ZNF555: variants seen among roughly 807,000 people sequenced by gnomAD.
ZNF555 encodes the protein zinc finger protein 555.
A neutral mutation model predicts 14.0 loss-of-function variants in ZNF555; 10 were observed. That is an observed-to-expected ratio of 0.72 (90% CI 0.44 to 1.21). The LOEUF (loss-of-function observed/expected upper bound fraction) is 1.21. ZNF555 is among the 50% of genes most tolerant of loss of function. ZNF555 has a pLI of 0.00. For missense variants in ZNF555, 747 were observed against 762.0 expected, an observed-to-expected ratio of 0.98 and a Z score of 0.23; for synonymous variants, 277 against 262.4, an observed-to-expected ratio of 1.06 and a Z score of -0.54.
In ZNF555 at chr19:2,859,775, C is replaced by T. The variant is rs1215967280; in HGVS notation, c.*5823C>T. ...CCTTCCTTTAGGGTTCGGGGGATCT[C>T]CTCCTTCCACAAGGGATGGATGTGA... On this transcript the variant is annotated 3_prime_UTR_variant, in exon 4 of 4. Transcript: ENST00000334241. The T allele has an allele frequency of 6.6e-6, 1 of 152,422 alleles. No homozygotes were observed. Among genetic ancestry groups the T allele is most frequent in the African/African-American group, 2.4e-5 (1 of 41,428 alleles). The allele number at this position is 152,422 out of a possible 1,614,324, so 9.4% of individuals were successfully genotyped here.
intron 2 of ZNF555, among the ~76,000 whole-genome samples, chr19:2,851,229 G>A (rs898249713): frequency 4.6e-5 from 7 of 151,426 alleles, no homozygotes; most frequent in Admixed American, 1.3e-4. Context: ...AACTCCTGAC[G>A]TTGTGATCCA....
In ZNF555 at chr19:2,841,513, C is replaced by G; in HGVS notation, c.-60C>G. On this transcript the variant is annotated 5_prime_UTR_variant, in exon 1 of 4. Coordinates refer to ENST00000334241, the MANE Select transcript of ZNF555 (RefSeq NM_152791.5). ...GTGCCCCGCCTGCCCCTAGCGGTCC[C>G]TGGCGTCCCGGTTCCTGTCGCGCTC... 2 of 1,545,610 alleles carry G rather than the reference C, an allele frequency of 1.3e-6. No individual in the cohort carries two copies. The highest frequency in any genetic ancestry group is 8.7e-7 in the Non-Finnish European group (1 of 1,144,592).
At chr19:2,846,041 G>A (rs1438480823) in intron 1 of ZNF555, among the ~76,000 whole-genome samples, 4 of 152,176 alleles carry the variant, frequency 2.6e-5, no homozygotes, top group Non-Finnish European at 5.9e-5. Context: ...CGGGTTAGCA[G>A]GGCTCCCAGT....
At chr19:2,847,647 A>G (rs1159661465) in intron 1 of ZNF555, among the ~76,000 whole-genome samples, 1 of 152,200 alleles carries the variant, frequency 6.6e-6, no homozygotes, top group Non-Finnish European at 1.5e-5. Context: ...TAATCTGAAA[A>G]AAATTTAAAA....
In ZNF555 at chr19:2,853,033, A is replaced by G; in HGVS notation, c.968A>G (p.Tyr323Cys). The change falls in exon 4 of 4, where the codon TAT becomes TGT. Residue 323 changes from tyrosine (Y) to cysteine (C), a missense_variant. Transcript: ENST00000334241. Reference sequence around the variant, plus strand: ...AAAGAATGTGGGGAGGCCTTCAGTTATTCTTCGGCTTTTCGAAGACACATG... The same window carrying G: ...AAAGAATGTGGGGAGGCCTTCAGTTGTTCTTCGGCTTTTCGAAGACACATG... ...KCKECGEAFS[Y>C]SSAFRRHMIT... 1 of 1,614,142 alleles carries G rather than the reference A, an allele frequency of 6.2e-7. No homozygotes were observed. The highest frequency in any genetic ancestry group is 8.5e-7 in the Non-Finnish European group (1 of 1,180,006).
Position 2,858,135 on chromosome 19 carries a change from C to CA in ZNF555, c.*4184dup. The CA allele has an allele frequency of 6.6e-6, 1 of 152,450 alleles. No individual in the cohort carries two copies. Among genetic ancestry groups the CA allele is most frequent in the East Asian group, 1.9e-4 (1 of 5,182 alleles). The allele number at this position is 152,450 out of a possible 1,614,324, so 9.4% of individuals were successfully genotyped here. On this transcript the variant is annotated 3_prime_UTR_variant, in exon 4 of 4. Coordinates refer to ENST00000334241, the MANE Select transcript of ZNF555 (RefSeq NM_152791.5). The stretch of plus-strand genomic sequence containing the variant: ...AGGCCTTGAGGAGCCATGATCGTGC[C>CA]ACTGCACTCCAGCTTGGGTGACAGA...
At position 2,855,552 on chromosome 19, in the gene ZNF555, C is replaced by G. The variant is rs892154569; in HGVS notation, c.*1600C>G. 1 of 151,834 alleles carries G rather than the reference C, an allele frequency of 6.6e-6. No individual in the cohort carries two copies. The highest frequency in any genetic ancestry group is 1.5e-5 in the Non-Finnish European group (1 of 67,978). 9.4% of individuals were successfully genotyped at this position (151,834 alleles called of 1,614,324 possible). On this transcript the variant is annotated 3_prime_UTR_variant, in exon 4 of 4. Coordinates refer to ENST00000334241, the MANE Select transcript of ZNF555 (RefSeq NM_152791.5). The stretch of plus-strand genomic sequence containing the variant: ...GGAGACGGGGAAAGACTCCATCACA[C>G]AAGCAAGAAAAGAAAAAAAAATCCT...
intron 1 of ZNF555, among the ~76,000 whole-genome samples, chr19:2,845,055 T>C (rs2087571054): frequency 6.6e-6 from 1 of 152,230 alleles, no homozygotes; most frequent in Admixed American, 6.5e-5. Context: ...TGGGCTTCCA[T>C]TGAGCTTGTC....
rs1202110191 is a variant in ZNF555 at position 2,857,328 on chromosome 19, A to C, written c.*3376A>C. 1 of 152,226 alleles carries C rather than the reference A, an allele frequency of 6.6e-6. No homozygotes were observed. The highest frequency in any genetic ancestry group is 2.4e-5 in the African/African-American group (1 of 41,458). 9.4% of individuals were successfully genotyped at this position (152,226 alleles called of 1,614,324 possible). A position where few individuals can be genotyped will look rare whatever the true frequency, so the allele number is the denominator to read the frequency against. On this transcript the variant is annotated 3_prime_UTR_variant, in exon 4 of 4. Transcript: ENST00000334241. Reference sequence around the variant, plus strand: ...TATTCATGTAGCTCATGATGATGGAATCAAGTTTGAAGGCTTAACCTGTGC... The same window carrying C: ...TATTCATGTAGCTCATGATGATGGACTCAAGTTTGAAGGCTTAACCTGTGC...
chr19:2,849,740 G>T (rs978477330), intron 1 of ZNF555, among the ~76,000 whole-genome samples: 2 of 151,426 alleles, frequency 1.3e-5, no homozygotes, highest in African/African-American at 4.9e-5. Context: ...TGCCTGCCGC[G>T]GCCTCCCAAA....
At chr19:2,843,512 A>G (rs2087556174) in intron 1 of ZNF555, among the ~76,000 whole-genome samples, 1 of 152,216 alleles carries the variant, frequency 6.6e-6, no homozygotes, top group Admixed American at 6.5e-5. Context: ...AGAGAAACAG[A>G]GAAAATCTCC....
chr19:2,852,459 C>G lies in ZNF555; in HGVS notation c.394C>G (p.Leu132Val). Reference sequence around the variant, plus strand: ...CCTCAGCCAGATTCCACATCTTAATCTGTACAAGAAAATTCCACCTGGAGT... The same window carrying G: ...CCTCAGCCAGATTCCACATCTTAATGTGTACAAGAAAATTCCACCTGGAGT... Reference protein sequence around the residue: ...EALSQIPHLNLYKKIPPGVKQ... With the variant: ...EALSQIPHLNVYKKIPPGVKQ... The change falls in exon 4 of 4, where the codon CTG (leucine) becomes GTG (valine). Residue 132 changes from leucine (L) to valine (V), a missense_variant. Leu to Val is a conservative substitution (Grantham distance 32). Transcript: ENST00000334241. 1 of 1,614,160 alleles carries G rather than the reference C, an allele frequency of 6.2e-7. No homozygotes were observed. The highest frequency in any genetic ancestry group is 8.5e-7 in the Non-Finnish European group (1 of 1,180,040).
chr19:2,856,875 T>C lies in ZNF555; in HGVS notation c.*2923T>C, dbSNP rs894605380. 1.3e-5 allele frequency: 2 copies of C among 152,136 alleles called. No individual in the cohort carries two copies. The highest frequency in any genetic ancestry group is 1.9e-4 in the East Asian group (1 of 5,198). The allele number at this position is 152,136 out of a possible 1,614,324, so 9.4% of individuals were successfully genotyped here. ...TCAGTAAAGCCACAGCAGCCAGTCATATGGGGGAGAAGAGGGGAATGTTTG... is the reference window on the plus strand; with the variant it reads ...TCAGTAAAGCCACAGCAGCCAGTCACATGGGGGAGAAGAGGGGAATGTTTG... On this transcript the variant is annotated 3_prime_UTR_variant, in exon 4 of 4. Coordinates refer to ENST00000334241, the MANE Select transcript of ZNF555 (RefSeq NM_152791.5).
rs1198814884 is a variant in ZNF555 at position 2,855,066 on chromosome 19, C to T, written c.*1114C>T. ...CAAAGAAGAAAAACAACACATGGGA[C>T]TTTGTACCCTATTGCATTTTTAAGT... is the stretch of plus-strand genomic sequence containing the variant. On this transcript the variant is annotated 3_prime_UTR_variant, in exon 4 of 4. Coordinates refer to ENST00000334241, the MANE Select transcript of ZNF555 (RefSeq NM_152791.5). The T allele has an allele frequency of 6.6e-6, 1 of 152,130 alleles. No homozygotes were observed. Among genetic ancestry groups the T allele is most frequent in the East Asian group, 1.9e-4 (1 of 5,196 alleles). The allele number at this position is 152,130 out of a possible 1,614,324, so 9.4% of individuals were successfully genotyped here. A position where few individuals can be genotyped will look rare whatever the true frequency, so the allele number is the denominator to read the frequency against.
intron 1 of ZNF555, among the ~76,000 whole-genome samples, chr19:2,846,463 T>C (rs1010978446): frequency 1.3e-5 from 2 of 152,222 alleles, no homozygotes; most frequent in Admixed American, 6.5e-5. Context: ...CCTGATGTTT[T>C]TCGTAGTTCA....
chr19:2,850,759 A>G (rs1428766675), intron 2 of ZNF555, 46 bp downstream of exon 2: 1 of 1,607,894 alleles, frequency 6.2e-7, no homozygotes, highest in East Asian at 2.2e-5. Flanking sequence ...TTGAGAGAAC[A>G]AGTATTTCTT....
chr19:2,853,558 A>G lies in ZNF555; in HGVS notation c.1493A>G (p.His498Arg). ...TATTGCCACATATCCTTACAAAAAC[A>G]TATGAGAAGACATACCGCAGAGAAA... ...AFYCHISLQK[H>R]MRRHTAEKLY... is the part of the protein sequence containing the mutation. The change falls in exon 4 of 4, where the codon CAT (histidine) becomes CGT (arginine). Residue 498 changes from histidine to arginine, a missense_variant. Physicochemically the swap from His to Arg is conservative, Grantham distance 29. Transcript: ENST00000334241. 1.9e-6 allele frequency: 3 copies of G among 1,610,958 alleles called. No individual in the cohort carries two copies. The highest frequency in any genetic ancestry group is 2.5e-6 in the Non-Finnish European group (3 of 1,177,714).
Position 2,853,697 on chromosome 19 carries a change from C to T in ZNF555, c.1632C>T (p.Val544=). 6.3e-7 allele frequency: 1 copy of T among 1,577,364 alleles called. No homozygotes were observed. Residue 544 remains valine, a synonymous_variant, in exon 4 of 4, where the codon GTC becomes GTT. Transcript: ENST00000334241. ...ATGAATGTAAGGAATGTGGGAAGGTCTTCAAATGGCCATCATCTTTACCAA... is the reference window on the plus strand; with the variant it reads ...ATGAATGTAAGGAATGTGGGAAGGTTTTCAAATGGCCATCATCTTTACCAA... ...KPYECKECGK[V]FKWPSSLPIH... is the part of the protein sequence containing the mutation.
At position 2,841,592 on chromosome 19, in the gene ZNF555, A is replaced by C; in HGVS notation, c.3+17A>C. The C allele has an allele frequency of 6.6e-7, 1 of 1,525,080 alleles. No individual in the cohort carries two copies. Among genetic ancestry groups the C allele is most frequent in the South Asian group, 1.2e-5 (1 of 82,758 alleles). The allele number at this position is 1,525,080 out of a possible 1,614,324, so 94.5% of individuals were successfully genotyped here. The stretch of plus-strand genomic sequence containing the variant: ...CGGGACATGGTGAGTGTGGCGCAGG[A>C]GAGGATCCCGGTGCGGGGCAGCAGG... On this transcript the variant is annotated intron_variant, in intron 1 of 3. Transcript: ENST00000334241.
Sources: gnomAD v4.1 joint callset for allele counts (sites outside exome capture counted in the v4.1 genomes callset) on GRCh38, gnomAD v4.1.1 for gene constraint, MANE v1.5 for transcripts, NCBI Gene and HGNC (gene_info 2026-07-23, HGNC 2026-07-21) for gene names.